The following FHIT variants were observed in gnomAD, a reference collection of about 807,000 sequenced individuals.
FHIT encodes fragile histidine triad diadenosine triphosphatase.
FHIT carries 19 observed loss-of-function variants against 17.9 expected under a neutral mutation model. That is an observed-to-expected ratio of 1.06 (90% CI 0.74 to 1.56). FHIT has a LOEUF of 1.56. Among genes scored for constraint, FHIT ranks in the 40% most tolerant of loss-of-function variants. FHIT has a pLI of 0.00. For missense variants in FHIT, 248 were observed against 189.2 expected (o/e 1.31, Z -1.82); for synonymous variants, 81 against 69.7 (o/e 1.16, Z -0.81).
chr3:59,793,417 T>C (rs1222633240), intron 8 of FHIT, among the ~76,000 whole-genome samples: 1 of 152,122 alleles, frequency 6.6e-6, no homozygotes, highest in Admixed American at 6.5e-5. Context: ...GTGTTCGTGA[T>C]GAAGGCAACC....
chr3:60,867,801 A>G (rs1263464130), intron 3 of FHIT, among the ~76,000 whole-genome samples: 2 of 152,190 alleles, frequency 1.3e-5, no homozygotes, highest in African/African-American at 2.4e-5. Context: ...CTGAATGACT[A>G]CAATAAGCAG....
intron 7 of FHIT, among the ~76,000 whole-genome samples, chr3:59,973,790 C>G (rs1708289955): frequency 6.6e-6 from 1 of 151,918 alleles, no homozygotes; most frequent in African/African-American, 2.4e-5. Flanking sequence ...TTTCATTTTT[C>G]TTCTCAGCCC....
chr3:60,249,045 C>T (rs898991698), intron 5 of FHIT, among the ~76,000 whole-genome samples: 23 of 151,990 alleles, frequency 1.5e-4, no homozygotes. Flanking sequence ...CTAGGTTTTG[C>T]CATTTCTTTA....
chr3:60,486,262 A>ATT (rs1370971145), intron 5 of FHIT, among the ~76,000 whole-genome samples: 2 of 152,092 alleles, frequency 1.3e-5, no homozygotes, highest in Non-Finnish European at 2.9e-5. Context: ...AAAAAATTTT[A>ATT]TTTTGTTTTT....
chr3:60,023,044 G>A (rs1700608911), intron 5 of FHIT, among the ~76,000 whole-genome samples: 1 of 152,132 alleles, frequency 6.6e-6, no homozygotes, highest in Non-Finnish European at 1.5e-5. Context: ...ACATGAGAAT[G>A]GGAACACACC....
At chr3:60,096,799 G>A (rs879686777) in intron 5 of FHIT, among the ~76,000 whole-genome samples, 4 of 152,116 alleles carry the variant, frequency 2.6e-5, no homozygotes, top group Non-Finnish European at 4.4e-5. Context: ...GTTTACAGAG[G>A]AAATGGTTTT....
intron 5 of FHIT, among the ~76,000 whole-genome samples, chr3:60,138,537 C>A (rs891475631): frequency 6.6e-6 from 1 of 152,072 alleles, no homozygotes; most frequent in Admixed American, 6.6e-5. Flanking sequence ...TAGCAAGTTC[C>A]ACATGCTATG....
intron 5 of FHIT, among the ~76,000 whole-genome samples, chr3:60,215,175 T>A (rs1413576109): frequency 1.3e-5 from 2 of 151,628 alleles, no homozygotes; most frequent in African/African-American, 4.9e-5. Context: ...TAAAATAAAA[T>A]AAGATAAAAG....
chr3:60,868,482 T>C (rs538216314), intron 3 of FHIT, among the ~76,000 whole-genome samples: 8 of 152,278 alleles, frequency 5.3e-5, no homozygotes, highest in South Asian at 2.1e-4. Context: ...TTGTGCCTTA[T>C]TAAATTCCAC....
At chr3:60,268,598 T>C (rs1345108478) in intron 5 of FHIT, among the ~76,000 whole-genome samples, 3 of 152,218 alleles carry the variant, frequency 2.0e-5, no homozygotes, top group Admixed American at 6.5e-5. Context: ...TTATGTGAAG[T>C]TGACTTTTTC....
chr3:61,169,048 G>A (rs930785313), intron 2 of FHIT, among the ~76,000 whole-genome samples: 5 of 152,096 alleles, frequency 3.3e-5, no homozygotes, highest in Non-Finnish European at 5.9e-5. Context: ...TACTTAGGGC[G>A]TACACCTAAG....
chr3:60,051,497 CA>C (rs1701878623), intron 5 of FHIT, among the ~76,000 whole-genome samples: 3 of 152,028 alleles, frequency 2.0e-5, no homozygotes, highest in Admixed American at 2.0e-4. Flanking sequence ...CTACCTAGAA[CA>C]GGGACAGAGT....
At chr3:60,151,349 T>C (rs1700454933) in intron 5 of FHIT, among the ~76,000 whole-genome samples, 1 of 152,196 alleles carries the variant, frequency 6.6e-6, no homozygotes, top group Non-Finnish European at 1.5e-5. Flanking sequence ...TGATCACTTC[T>C]TACCATTCAC....
chr3:61,036,901 GTTT>G (rs746649804), intron 3 of FHIT, among the ~76,000 whole-genome samples: 31 of 70,308 alleles, frequency 4.4e-4, no homozygotes, highest in Admixed American at 3.1e-3. Context: ...AGTCTGCTTT[GTTT>G]TTTTTTTTTG....
At chr3:61,156,476 G>A (rs2037537397) in intron 2 of FHIT, among the ~76,000 whole-genome samples, 1 of 151,920 alleles carries the variant, frequency 6.6e-6, no homozygotes, top group Non-Finnish European at 1.5e-5. Context: ...GAAATCATTT[G>A]TTTGTGGTCT....
intron 8 of FHIT, among the ~76,000 whole-genome samples, chr3:59,775,802 C>T (rs1362948251): frequency 6.6e-6 from 1 of 152,192 alleles, no homozygotes; most frequent in Non-Finnish European, 1.5e-5. Context: ...CTGAACTCTA[C>T]ACTCACAGAT....
chr3:60,556,095 T>G (rs1431939817), intron 4 of FHIT, among the ~76,000 whole-genome samples: 1 of 152,204 alleles, frequency 6.6e-6, no homozygotes, highest in East Asian at 1.9e-4. Context: ...CACTAATTGG[T>G]CATTTTCTTA....
chr3:60,832,517 C>T (rs782383957), intron 3 of FHIT, among the ~76,000 whole-genome samples: 2 of 152,102 alleles, frequency 1.3e-5, no homozygotes, highest in Non-Finnish European at 2.9e-5. Flanking sequence ...CCCAGATAAC[C>T]TGCCTACTGT....
intron 8 of FHIT, among the ~76,000 whole-genome samples, chr3:59,829,286 G>A (rs887659417): frequency 6.6e-6 from 1 of 152,122 alleles, no homozygotes; most frequent in African/African-American, 2.4e-5. Flanking sequence ...TCTAATTAAA[G>A]GTTCATATTT....
Sources: gnomAD v4.1 joint callset for allele counts (sites outside exome capture counted in the v4.1 genomes callset) on GRCh38, gnomAD v4.1.1 for gene constraint, MANE v1.5 for transcripts, NCBI Gene and HGNC (gene_info 2026-07-23, HGNC 2026-07-21) for gene names.